Variants in CAP2 observed in about 807,000 individuals in gnomAD.
The protein encoded by CAP2 is cyclase associated actin cytoskeleton regulatory protein 2.
CAP2 carries 24 observed loss-of-function variants against 57.7 expected under a neutral mutation model. The ratio of observed to expected loss-of-function variants is 0.42; its 90% CI spans 0.30 to 0.58. The LOEUF (loss-of-function observed/expected upper bound fraction) is 0.58. Ranked by LOEUF, CAP2 falls within the 20% of genes least tolerant of loss-of-function variation. The pLI is 0.22. For missense variants in CAP2, 501 were observed against 590.3 expected, an observed-to-expected ratio of 0.85 and a Z score of 1.57; for synonymous variants, 194 against 207.2, an observed-to-expected ratio of 0.94 and a Z score of 0.55.
chr6:17,511,087 T>C (rs1270507043), intron 6 of CAP2, among the ~76,000 whole-genome samples: 1 of 152,208 alleles, frequency 6.6e-6, no homozygotes, highest in Non-Finnish European at 1.5e-5. Flanking sequence ...GATGACTCAG[T>C]TAAGCTCAGT....
intron 1 of CAP2, among the ~76,000 whole-genome samples, chr6:17,405,109 G>A (rs1018341721): frequency 1.3e-4 from 20 of 152,170 alleles, no homozygotes; most frequent in Admixed American, 2.0e-4. Flanking sequence ...AAGGCCGGGT[G>A]TAGTGGGGCA....
intron 3 of CAP2, among the ~76,000 whole-genome samples, chr6:17,449,256 T>C (rs1215022590): frequency 1.3e-5 from 2 of 152,150 alleles, no homozygotes; most frequent in African/African-American, 4.8e-5. Flanking sequence ...CATGGGCTCC[T>C]TGCTAGCTCT....
At chr6:17,479,779 T>C (rs980263701) in intron 4 of CAP2, among the ~76,000 whole-genome samples, 1 of 151,564 alleles carries the variant, frequency 6.6e-6, no homozygotes, top group Admixed American at 6.6e-5. Flanking sequence ...ACCCGGCTAA[T>C]TTTTTGTATT....
intron 7 of CAP2, among the ~76,000 whole-genome samples, chr6:17,517,038 G>A (rs1280255180): frequency 6.6e-6 from 1 of 152,154 alleles, no homozygotes; most frequent in African/African-American, 2.4e-5. Context: ...ATATGGATGG[G>A]TGTTTATGTA....
chr6:17,465,889 C>T (rs1581542378), intron 4 of CAP2, among the ~76,000 whole-genome samples: 3 of 152,276 alleles, frequency 2.0e-5, no homozygotes, highest in East Asian at 3.9e-4. Context: ...TGTTCCACAG[C>T]GTTCCCTGGG....
At chr6:17,532,753 A>G (rs1472074103) in intron 7 of CAP2, among the ~76,000 whole-genome samples, 1 of 130,094 alleles carries the variant, frequency 7.7e-6, no homozygotes, top group African/African-American at 3.0e-5. Context: ...AAAAAAAAAC[A>G]CACACACACA....
At chr6:17,509,633 C>A (rs991146032) in intron 6 of CAP2, among the ~76,000 whole-genome samples, 19 of 152,056 alleles carry the variant, frequency 1.2e-4, no homozygotes, top group African/African-American at 4.1e-4. Flanking sequence ...TGAGATTGTG[C>A]CACTGCACTC....
chr6:17,519,273 A>G (rs1762338927), intron 7 of CAP2, among the ~76,000 whole-genome samples: 1 of 148,690 alleles, frequency 6.7e-6, no homozygotes, highest in Non-Finnish European at 1.5e-5. Flanking sequence ...TGCCCTGTTC[A>G]GTTGTCAGGG....
intron 3 of CAP2, among the ~76,000 whole-genome samples, chr6:17,440,316 T>C (rs991769431): frequency 5.3e-5 from 8 of 151,560 alleles, no homozygotes; most frequent in Non-Finnish European, 1.2e-4. Flanking sequence ...GAATTGGTTG[T>C]TCGTATATGT....
At chr6:17,414,960 G>A (rs1759238058) in intron 1 of CAP2, among the ~76,000 whole-genome samples, 1 of 152,194 alleles carries the variant, frequency 6.6e-6, no homozygotes, top group South Asian at 2.1e-4. Context: ...ACTAGCATGA[G>A]ATGGTATCTC....
At position 17,406,953 on chromosome 6, in the gene CAP2, A is replaced by C. The variant is rs369345178; in HGVS notation, c.-2+13207A>C. Among the ~76,000 whole-genome samples the C allele has an allele frequency of 2.1e-4, 32 of 152,214 alleles. No homozygotes were observed. In the Middle Eastern group the frequency reaches 0.017, roughly 81 times the overall value. ...GACCCTGAAGAAAAAAATGAGAAAA[A>C]AACCAGCATTTTACTCCCAAATGGG... is the stretch of plus-strand genomic sequence containing the variant. On this transcript the variant is annotated intron_variant, in intron 1 of 12. Transcript: ENST00000229922.
At chr6:17,418,990 T>A (rs1367066172) in intron 1 of CAP2, among the ~76,000 whole-genome samples, 1 of 152,234 alleles carries the variant, frequency 6.6e-6, no homozygotes, top group African/African-American at 2.4e-5. Context: ...ATTTCAGCTG[T>A]GCAGAGAACA....
At chr6:17,420,970 A>T (rs1326450419) in intron 1 of CAP2, among the ~76,000 whole-genome samples, 1 of 147,536 alleles carries the variant, frequency 6.8e-6, no homozygotes, top group Non-Finnish European at 1.5e-5. Context: ...AATAGCAAAG[A>T]TACGGAACCA....
chr6:17,478,059 A>C (rs958032961), intron 4 of CAP2, among the ~76,000 whole-genome samples: 4 of 148,902 alleles, frequency 2.7e-5, no homozygotes, highest in African/African-American at 9.8e-5. Context: ...TAATATATAA[A>C]ATTTTATGTT....
chr6:17,401,337 C>G (rs1009750073), intron 1 of CAP2, among the ~76,000 whole-genome samples: 5 of 152,198 alleles, frequency 3.3e-5, no homozygotes, highest in African/African-American at 1.2e-4. Context: ...TCTTGGACTT[C>G]CCAACCTCCA....
chr6:17,535,925 T>C (rs1038279501), intron 7 of CAP2, among the ~76,000 whole-genome samples: 5 of 151,940 alleles, frequency 3.3e-5, no homozygotes, highest in African/African-American at 1.2e-4. Flanking sequence ...CTAGTCGTCT[T>C]TGGAATTTTT....
At chr6:17,541,450 C>T (rs1459944877) in intron 9 of CAP2, among the ~76,000 whole-genome samples, 2 of 151,876 alleles carry the variant, frequency 1.3e-5, no homozygotes, top group Non-Finnish European at 2.9e-5. Flanking sequence ...CATGGTGGCA[C>T]GTGCCTGTAA....
At chr6:17,548,357 T>G (rs1763100573) in intron 11 of CAP2, among the ~76,000 whole-genome samples, 1 of 150,948 alleles carries the variant, frequency 6.6e-6, no homozygotes, top group Admixed American at 6.6e-5. Flanking sequence ...CAGAGCTAGA[T>G]TCTGTCTCAA....
chr6:17,408,615 A>C (rs1418896027), intron 1 of CAP2, among the ~76,000 whole-genome samples: 1 of 151,222 alleles, frequency 6.6e-6, no homozygotes, highest in Non-Finnish European at 1.5e-5. Context: ...AAAGTAAAAC[A>C]TTCCTAGTCA....
Sources: gnomAD v4.1 joint callset for allele counts (sites outside exome capture counted in the v4.1 genomes callset) on GRCh38, gnomAD v4.1.1 for gene constraint, MANE v1.5 for transcripts, NCBI Gene and HGNC (gene_info 2026-07-23, HGNC 2026-07-21) for gene names.